The following ZNF664 variants were observed in gnomAD, a reference collection of about 807,000 sequenced individuals.
The protein encoded by ZNF664 is zinc finger Organ of Corti 1.
In ZNF664, 10 loss-of-function variants were observed where a neutral mutation model predicts 18.2. That is an observed-to-expected ratio of 0.55 (90% CI 0.34 to 0.93). The LOEUF is 0.93. ZNF664 is among the 40% of genes least tolerant of loss of function. The probability of loss-of-function intolerance (pLI) is 0.02; values close to 1 mark genes in which losing one functional copy is unlikely to be tolerated. For missense variants in ZNF664, 193 were observed against 319.0 expected (o/e 0.61, Z 3.01); for synonymous variants, 119 against 104.2 (o/e 1.14, Z -0.86).
At chr12:123,978,178 A>C (rs190490941) in intron 2 of ZNF664, among the ~76,000 whole-genome samples, 144 of 152,250 alleles carry the variant, frequency 9.5e-4, no homozygotes, top group African/African-American at 3.0e-3. Flanking sequence ...GAAAAAAAAA[A>C]CCCGAATCAT....
chr12:123,973,489 T>G, intron 1 of ZNF664, 137 bp downstream of exon 1: 1 of 512,018 alleles, frequency 2.0e-6, no homozygotes, highest in Non-Finnish European at 2.5e-6. Context: ...TCCCGGAGGA[T>G]GGGCCTCGGG....
chr12:123,986,056 A>G (rs1430579772), intron 2 of ZNF664, among the ~76,000 whole-genome samples: 1 of 151,756 alleles, frequency 6.6e-6, no homozygotes, highest in Non-Finnish European at 1.5e-5. Context: ...ATACCTAGAG[A>G]TAAGACATCC....
intron 3 of ZNF664, among the ~76,000 whole-genome samples, chr12:124,010,004 C>G (rs1023841384): frequency 6.6e-6 from 1 of 151,794 alleles, no homozygotes; most frequent in African/African-American, 2.4e-5. Flanking sequence ...GGCTAGTTCC[C>G]TATCGATGGC....
At chr12:123,993,829 TC>T (rs3215290) in intron 3 of ZNF664, among the ~76,000 whole-genome samples, 46,029 of 152,048 alleles carry the variant, frequency 0.3, 7,092 homozygotes, top group Middle Eastern at 0.34. Flanking sequence ...TTCTGGGACT[TC>T]CTGATCATTT....
chr12:123,978,505 A>G (rs965850681), intron 2 of ZNF664, among the ~76,000 whole-genome samples: 1 of 152,252 alleles, frequency 6.6e-6, no homozygotes, highest in Non-Finnish European at 1.5e-5. Flanking sequence ...TTTTACCTAA[A>G]TGATTTAAAA....
In ZNF664 at chr12:123,973,766, G is replaced by A. The variant is rs1398828347; in HGVS notation, c.-891-120G>A. The A allele has an allele frequency of 1.3e-5, 16 of 1,226,800 alleles. No individual in the cohort carries two copies. The East Asian group carries it at 2.5e-4, about 19-fold the overall frequency. 76.0% of individuals were successfully genotyped at this position (1,226,800 alleles called of 1,614,324 possible). ...CGCTGCCGCCCTCGTCGCCCGTGGAGCCGCGTCTTGGAGCCCTTCCAGGCG... is the reference window on the plus strand; with the variant it reads ...CGCTGCCGCCCTCGTCGCCCGTGGAACCGCGTCTTGGAGCCCTTCCAGGCG... On this transcript the variant is annotated intron_variant, in intron 1 of 4. Transcript: ENST00000337815.
intron 3 of ZNF664, among the ~76,000 whole-genome samples, chr12:123,995,822 G>A (rs1956941796): frequency 6.6e-6 from 1 of 152,194 alleles, no homozygotes; most frequent in African/African-American, 2.4e-5. Context: ...ACAATTCAGA[G>A]TACGTGGAGA....
At position 124,012,966 on chromosome 12, in the gene ZNF664, T is replaced by G. The variant is rs1038684146; in HGVS notation, c.*36T>G. 1.3e-6 allele frequency: 2 copies of G among 1,593,858 alleles called. No individual in the cohort carries two copies. Among genetic ancestry groups the G allele is most frequent in the Non-Finnish European group, 8.5e-7 (1 of 1,171,900 alleles). Reference sequence around the variant, plus strand: ...TAAGAGTTTAAAATCTTAAAACCCATAAGTGCCACTAGGAAGGAAACCCTG... The same window carrying G: ...TAAGAGTTTAAAATCTTAAAACCCAGAAGTGCCACTAGGAAGGAAACCCTG... On this transcript the variant is annotated 3_prime_UTR_variant, in exon 5 of 5. Coordinates refer to ENST00000337815, the MANE Select transcript of ZNF664 (RefSeq NM_152437.3).
chr12:124,009,264 A>C (rs1366568466), intron 3 of ZNF664, among the ~76,000 whole-genome samples: 1 of 152,246 alleles, frequency 6.6e-6, no homozygotes, highest in Non-Finnish European at 1.5e-5. Flanking sequence ...ATGTGCAATC[A>C]GTATACTATG....
At position 124,013,058 on chromosome 12, in the gene ZNF664, A is replaced by AT; in HGVS notation, c.*129dup. ...AGCAGAACATTGTTTCTGAGGAGGC[A>AT]TATGTGAGATTGATTTGTTGGTTCA... On this transcript the variant is annotated 3_prime_UTR_variant, in exon 5 of 5. Transcript: ENST00000337815. 1 of 1,236,948 alleles carries AT rather than the reference A, an allele frequency of 8.1e-7. No homozygotes were observed. The highest frequency in any genetic ancestry group is 1.1e-6 in the Non-Finnish European group (1 of 905,466). 76.6% of individuals were successfully genotyped at this position (1,236,948 alleles called of 1,614,324 possible). A position where few individuals can be genotyped will look rare whatever the true frequency, so the allele number is the denominator to read the frequency against.
intron 3 of ZNF664, among the ~76,000 whole-genome samples, chr12:124,005,407 A>C (rs990851777): frequency 6.6e-6 from 1 of 152,086 alleles, no homozygotes; most frequent in African/African-American, 2.4e-5. Flanking sequence ...AACAATGTAA[A>C]TATATAATAC....
At chr12:123,973,403 GCGGGGGCCGGGGGC>G in intron 1 of ZNF664, 51 bp downstream of exon 1, 4 of 961,434 alleles carry the variant, frequency 4.2e-6, no homozygotes, top group Non-Finnish European at 4.9e-6. Context: ...CCGGAGGGAG[GCGGGGGCCGGGGGC>G]CAGGGAGCGG....
chr12:123,974,635 C>T (rs1031361339), intron 2 of ZNF664: 1 of 152,212 alleles, frequency 6.6e-6, no homozygotes, highest in Non-Finnish European at 1.5e-5. Flanking sequence ...CCTCTGTCTT[C>T]AGGGATGCCG....
intron 2 of ZNF664, among the ~76,000 whole-genome samples, chr12:123,987,709 G>C (rs922319440): frequency 1.4e-4 from 21 of 152,290 alleles, no homozygotes; most frequent in African/African-American, 4.8e-4. Context: ...TAGCCAGTCT[G>C]AGTCAGTTAT....
rs576149268 is a variant in ZNF664 at position 123,988,110 on chromosome 12, G to A, written c.-689G>A. On this transcript the variant is annotated 5_prime_UTR_variant, in exon 3 of 5. The change abolishes an upstream ATG in the 5' untranslated region. Transcript: ENST00000337815. The stretch of plus-strand genomic sequence containing the variant: ...CTGCCTCTGCCTGTTCTTCTGGAAT[G>A]TCTTGGGGGTTTTGATCCTGTCACT... 20 of 1,231,574 alleles carry A rather than the reference G, an allele frequency of 1.6e-5. No homozygotes were observed. In the South Asian group the frequency reaches 6.6e-4, roughly 41 times the overall value. 76.3% of individuals were successfully genotyped at this position (1,231,574 alleles called of 1,614,324 possible).
chr12:123,987,615 G>C (rs566769176), intron 2 of ZNF664, among the ~76,000 whole-genome samples: 24 of 152,290 alleles, frequency 1.6e-4, no homozygotes, highest in African/African-American at 2.6e-4. Flanking sequence ...CACCCAGTCT[G>C]ACTCCAGTTT....
intron 2 of ZNF664, among the ~76,000 whole-genome samples, chr12:123,975,677 A>C (rs946465267): frequency 4.9e-4 from 74 of 152,242 alleles, no homozygotes; most frequent in African/African-American, 1.6e-3. Flanking sequence ...AGTCCTCCCA[A>C]AGTGTTGGGA....
At chr12:123,988,691 TTC>T (rs759907007) in intron 3 of ZNF664, among the ~76,000 whole-genome samples, 8 of 152,204 alleles carry the variant, frequency 5.3e-5, no homozygotes, top group Non-Finnish European at 8.8e-5. Flanking sequence ...GCAGACTTGA[TTC>T]TGAGTGTCAT....
intron 2 of ZNF664, among the ~76,000 whole-genome samples, chr12:123,984,666 T>G (rs75696312): frequency 6.6e-6 from 1 of 151,842 alleles, no homozygotes; most frequent in South Asian, 2.1e-4. Flanking sequence ...GGAGATCTGT[T>G]GAGGGAAGAA....
Sources: gnomAD v4.1 joint callset for allele counts (sites outside exome capture counted in the v4.1 genomes callset) on GRCh38, gnomAD v4.1.1 for gene constraint, MANE v1.5 for transcripts, NCBI Gene and HGNC (gene_info 2026-07-23, HGNC 2026-07-21) for gene names.